NCKAP1: variants seen among roughly 807,000 people sequenced by gnomAD.
NCKAP1 encodes NCK associated protein 1.
NCKAP1 carries 21 observed loss-of-function variants against 151.2 expected under a neutral mutation model. The observed-to-expected ratio is 0.14, with a 90% CI of 0.10 to 0.20. NCKAP1 has a LOEUF of 0.20. Ranked by LOEUF, NCKAP1 falls within the 10% of genes least tolerant of loss-of-function variation. The pLI is 1.00. For synonymous variants in NCKAP1, 484 were observed against 451.8 expected, an observed-to-expected ratio of 1.07 and a Z score of -0.90; for missense variants, 933 against 1,352.1, an observed-to-expected ratio of 0.69 and a Z score of 4.86.
chr2:183,001,182 C>G (rs531422502), intron 6 of NCKAP1, among the ~76,000 whole-genome samples: 1 of 152,284 alleles, frequency 6.6e-6, no homozygotes, highest in African/African-American at 2.4e-5. Flanking sequence ...TTCTAGTATC[C>G]TGGGCTTCAG....
intron 23 of NCKAP1, among the ~76,000 whole-genome samples, chr2:182,945,294 A>G (rs1050659699): frequency 6.6e-6 from 1 of 151,868 alleles, no homozygotes; most frequent in Non-Finnish European, 1.5e-5. Flanking sequence ...ACACGCCTAT[A>G]TTTCTCAGCT....
Position 183,012,464 on chromosome 2 carries a change from T to C in NCKAP1, c.220-9139A>G, listed in dbSNP as rs79442781. On this transcript the variant is annotated intron_variant, in intron 2 of 30. Transcript: ENST00000361354. Reference sequence around the variant, plus strand: ...GTCTGGCCTTTTTGGACATCTGTTGTTCTTGGGAGATTTGGAGACAAAGTG... The same window carrying C: ...GTCTGGCCTTTTTGGACATCTGTTGCTCTTGGGAGATTTGGAGACAAAGTG... Among the ~76,000 whole-genome samples, 1,014 of 152,292 alleles carry C rather than the reference T, an allele frequency of 6.7e-3. 8 individuals are homozygous for C. The highest frequency in any genetic ancestry group is 0.022 in the African/African-American group (932 of 41,556).
Position 182,909,377 on chromosome 2 carries a change from C to A in NCKAP1, c.*16325G>T, listed in dbSNP as rs1696353777. 1 of 152,188 alleles carries A rather than the reference C, an allele frequency of 6.6e-6. No individual in the cohort carries two copies. Among genetic ancestry groups the A allele is most frequent in the Non-Finnish European group, 1.5e-5 (1 of 68,038 alleles). 9.4% of individuals were successfully genotyped at this position (152,188 alleles called of 1,614,324 possible). ...TTCATTTCCCTCTCCTTGCCAGCCC[C>A]TGCCAACCAACATTCTACTTTCTAT... On this transcript the variant is annotated 3_prime_UTR_variant, in exon 31 of 31. Coordinates refer to ENST00000361354, the MANE Select transcript of NCKAP1 (RefSeq NM_013436.5).
intron 1 of NCKAP1, among the ~76,000 whole-genome samples, chr2:183,028,214 C>T (rs897276907): frequency 6.6e-6 from 1 of 151,230 alleles, no homozygotes; most frequent in East Asian, 1.9e-4. Context: ...AGAGAATTGA[C>T]TAAAAGAGGT....
Position 182,909,571 on chromosome 2 carries a change from A to C in NCKAP1, c.*16131T>G, listed in dbSNP as rs1696356449. On this transcript the variant is annotated 3_prime_UTR_variant, in exon 31 of 31. Transcript: ENST00000361354. ...GGCTGAATAATATGCCACCGTACAT[A>C]TATATCTCATTTGTTTTTTGATTCA... The C allele has an allele frequency of 6.6e-6, 1 of 152,172 alleles. No individual in the cohort carries two copies. The highest frequency in any genetic ancestry group is 2.4e-5 in the African/African-American group (1 of 41,438). The allele number at this position is 152,172 out of a possible 1,614,324, so 9.4% of individuals were successfully genotyped here. A position where few individuals can be genotyped will look rare whatever the true frequency, so the allele number is the denominator to read the frequency against.
In NCKAP1 at chr2:183,009,475, G is replaced by GAAGGAAGGAAGGAAGC. The variant is rs1485338665; in HGVS notation, c.220-6151_220-6150insGCTTCCTTCCTTCCTT. Among the ~76,000 whole-genome samples, 639 of 100,096 alleles carry GAAGGAAGGAAGGAAGC rather than the reference G, an allele frequency of 6.4e-3. 4 individuals are homozygous for GAAGGAAGGAAGGAAGC. The highest frequency in any genetic ancestry group is 0.011 in the East Asian group (33 of 3,074). The allele number at this position is 100,096 out of a possible 152,430, so 65.7% of individuals were successfully genotyped here. On this transcript the variant is annotated intron_variant, in intron 2 of 30. Transcript: ENST00000361354. ...GGAAGGAAGGAAGGAAGGAAGGAAGGAAGCAAGCAAGCAAGCAGGCAAGCA... is the reference window on the plus strand; with the variant it reads ...GGAAGGAAGGAAGGAAGGAAGGAAGGAAGGAAGGAAGGAAGCAAGCAAGCAAGCAAGCAGGCAAGCA...
In NCKAP1 at chr2:182,911,009, T is replaced by C. The variant is rs1438528718; in HGVS notation, c.*14693A>G. ...TGGCCAAGAGGACTTCAGGGAAACC[T>C]TAAAAACTGAGTTCCCGGCCATGAT... On this transcript the variant is annotated 3_prime_UTR_variant, in exon 31 of 31. Coordinates refer to ENST00000361354, the MANE Select transcript of NCKAP1 (RefSeq NM_013436.5). The C allele has an allele frequency of 7.4e-6, 1 of 134,350 alleles. No homozygotes were observed. The highest frequency in any genetic ancestry group is 2.6e-5 in the African/African-American group (1 of 38,092). 8.3% of individuals were successfully genotyped at this position (134,350 alleles called of 1,614,324 possible).
intron 18 of NCKAP1, among the ~76,000 whole-genome samples, chr2:182,960,463 G>C (rs867778967): frequency 0.021 from 3,202 of 152,178 alleles, 106 homozygotes; most frequent in African/African-American, 0.069. Flanking sequence ...ACAAACCTGA[G>C]AAAAACAAGC....
rs1306830486 is a variant in NCKAP1, at chr2:182,924,695, T to C, written c.*1007A>G. The stretch of plus-strand genomic sequence containing the variant: ...TAAGAAGTATTGTGTAATTTTATTT[T>C]CTAATTTTGGTATTTTTTTCAATAA... On this transcript the variant is annotated 3_prime_UTR_variant, in exon 31 of 31. Coordinates refer to ENST00000361354, the MANE Select transcript of NCKAP1 (RefSeq NM_013436.5). 1 of 152,196 alleles carries C rather than the reference T, an allele frequency of 6.6e-6. No homozygotes were observed. Among genetic ancestry groups the C allele is most frequent in the East Asian group, 1.9e-4 (1 of 5,202 alleles). 9.4% of individuals were successfully genotyped at this position (152,196 alleles called of 1,614,324 possible).
intron 1 of NCKAP1, chr2:183,025,110 A>G (rs919189692): frequency 3.6e-5 from 33 of 918,776 alleles, no homozygotes; most frequent in Admixed American, 3.1e-4. Flanking sequence ...TAACAGAACA[A>G]GATTAGAATT....
intron 15 of NCKAP1, among the ~76,000 whole-genome samples, chr2:182,970,169 T>TTC (rs2105841624): frequency 6.6e-6 from 1 of 152,328 alleles, no homozygotes; most frequent in East Asian, 1.9e-4. Flanking sequence ...CACTGCTGAA[T>TTC]TCCAGCAAAT....
intron 13 of NCKAP1, 131 bp downstream of exon 13, chr2:182,981,113 T>G: frequency 8.6e-7 from 1 of 1,167,628 alleles, no homozygotes; most frequent in Middle Eastern, 2.0e-4. Flanking sequence ...TAGGTAATGA[T>G]CTCCAAAATA....
chr2:182,953,015 GATAAT>G, intron 21 of NCKAP1, 92 bp from the exon 22 acceptor site: 1 of 1,479,202 alleles, frequency 6.8e-7, no homozygotes, highest in South Asian at 1.3e-5. Flanking sequence ...TAAGTTGACT[GATAAT>G]ATGAATAAGT....
intron 1 of NCKAP1, chr2:183,024,962 G>A: frequency 6.2e-7 from 1 of 1,612,220 alleles, no homozygotes; most frequent in Non-Finnish European, 8.5e-7. Flanking sequence ...GAGGGAAGGT[G>A]AAAAGCTTTG....
chr2:182,963,626 T>C (rs1697500976), intron 17 of NCKAP1, among the ~76,000 whole-genome samples: 1 of 152,066 alleles, frequency 6.6e-6, no homozygotes, highest in East Asian at 1.9e-4. Context: ...TGAACTGTAA[T>C]AATGACAATA....
intron 7 of NCKAP1, 40 bp downstream of exon 7, chr2:182,995,661 T>A (rs1698254111): frequency 6.3e-7 from 1 of 1,575,750 alleles, no homozygotes; most frequent in Admixed American, 1.8e-5. Context: ...TTTTTAAAAG[T>A]CACTTTATTT....
chr2:182,958,169 A>G (rs902876575), intron 18 of NCKAP1, among the ~76,000 whole-genome samples: 2 of 152,154 alleles, frequency 1.3e-5, no homozygotes, highest in African/African-American at 4.8e-5. Flanking sequence ...TCTTTTGAGA[A>G]GGAGTTTCAC....
At position 182,920,013 on chromosome 2, in the gene NCKAP1, A is replaced by G. The variant is rs1044707058; in HGVS notation, c.*5689T>C. ...TAGGCTGGAGCGCACTGGTATAATC[A>G]TGGCTCACTGCAGCCTCGAACCACC... On this transcript the variant is annotated 3_prime_UTR_variant, in exon 31 of 31. Coordinates refer to ENST00000361354, the MANE Select transcript of NCKAP1 (RefSeq NM_013436.5). 1 of 152,166 alleles carries G rather than the reference A, an allele frequency of 6.6e-6. No homozygotes were observed. Among genetic ancestry groups the G allele is most frequent in the Non-Finnish European group, 1.5e-5 (1 of 68,110 alleles). 9.4% of individuals were successfully genotyped at this position (152,166 alleles called of 1,614,324 possible).
At chr2:182,988,736 C>T (rs1698107036) in intron 9 of NCKAP1, among the ~76,000 whole-genome samples, 1 of 152,096 alleles carries the variant, frequency 6.6e-6, no homozygotes, top group African/African-American at 2.4e-5. Context: ...GGTACTTTTG[C>T]ATCTAAAATC....
Sources: allele counts gnomAD v4.1 joint callset (sites outside exome capture counted in the v4.1 genomes callset), GRCh38; gene constraint gnomAD v4.1.1; transcripts MANE v1.5; gene names NCBI Gene and HGNC (gene_info 2026-07-23, HGNC 2026-07-21).